Variants in MTHFD2L observed in about 807,000 individuals in gnomAD.
MTHFD2L encodes bifunctional methylenetetrahydrofolate dehydrogenase/cyclohydrolase 2, mitochondrial.
Under a neutral mutation model 34.9 loss-of-function variants are expected in MTHFD2L, and 29 were observed. The ratio of observed to expected loss-of-function variants is 0.83; its 90% CI spans 0.62 to 1.13. The LOEUF (loss-of-function observed/expected upper bound fraction) is 1.13, where lower values mean the gene tolerates loss of function less well. Among genes scored for constraint, MTHFD2L ranks in the 50% most tolerant of loss-of-function variants. The probability of loss-of-function intolerance (pLI) is 0.00; values close to 1 mark genes in which losing one functional copy is unlikely to be tolerated. For synonymous variants in MTHFD2L, 167 were observed against 155.7 expected (o/e 1.07, Z -0.54); for missense variants, 481 against 446.5 (o/e 1.08, Z -0.70).
chr4:74,158,586 C>T (rs1224794190), intron 1 of MTHFD2L, among the ~76,000 whole-genome samples: 1 of 152,158 alleles, frequency 6.6e-6, no homozygotes. Flanking sequence ...TATAAAAACA[C>T]GTGGTCGGCT....
At chr4:74,292,166 T>C (rs1749045495) in intron 7 of MTHFD2L, among the ~76,000 whole-genome samples, 1 of 152,190 alleles carries the variant, frequency 6.6e-6, no homozygotes, top group Non-Finnish European at 1.5e-5. Context: ...CTGCCTCCAT[T>C]GTGGCTTACA....
intron 5 of MTHFD2L, among the ~76,000 whole-genome samples, chr4:74,221,835 ATATT>A (rs1480526350): frequency 1.3e-5 from 2 of 151,658 alleles, no homozygotes; most frequent in East Asian, 3.8e-4. Flanking sequence ...CATTAAAAAA[ATATT>A]TAAGAAGGTT....
intron 6 of MTHFD2L, among the ~76,000 whole-genome samples, chr4:74,258,111 A>C (rs1744252584): frequency 6.6e-6 from 1 of 152,162 alleles, no homozygotes; most frequent in African/African-American, 2.4e-5. Context: ...GGAGAAAAGA[A>C]ATCCTTGTTC....
upstream of MTHFD2L, among the ~76,000 whole-genome samples, chr4:74,118,963 A>C (rs1721702760): frequency 6.6e-6 from 1 of 152,124 alleles, no homozygotes; most frequent in Non-Finnish European, 1.5e-5. Flanking sequence ...GGTGGAGCTG[A>C]GGTGGTGATG....
At chr4:74,158,057 G>A (rs1268644876), upstream of MTHFD2L, 139 of 1,527,506 alleles carry the variant, frequency 9.1e-5, no homozygotes, top group Non-Finnish European at 1.2e-4. Context: ...CAGCCCGGGT[G>A]AGGGCGGAGC....
upstream of MTHFD2L, among the ~76,000 whole-genome samples, chr4:74,120,731 A>G (rs1384903306): frequency 6.6e-6 from 1 of 152,250 alleles, no homozygotes; most frequent in Non-Finnish European, 1.5e-5. Flanking sequence ...AAGGAGATGG[A>G]CACAGAGCAC....
At chr4:74,273,816 C>G (rs1181052358) in intron 6 of MTHFD2L, among the ~76,000 whole-genome samples, 1 of 152,138 alleles carries the variant, frequency 6.6e-6, no homozygotes, top group African/African-American at 2.4e-5. Context: ...CCCCCATGGC[C>G]TGATGGCTGG....
chr4:74,158,079 C>G, upstream of MTHFD2L: 1 of 1,531,440 alleles, frequency 6.5e-7, no homozygotes, highest in Middle Eastern at 1.7e-4. Context: ...AGGCCTCCAG[C>G]CGCGAGGACT....
chr4:74,273,239 T>C (rs1194718886), intron 6 of MTHFD2L, among the ~76,000 whole-genome samples: 1 of 152,146 alleles, frequency 6.6e-6, no homozygotes, highest in Non-Finnish European at 1.5e-5. Flanking sequence ...TTTTTTTCTG[T>C]TCTGACAGGG....
chr4:74,160,355 C>G (rs1010696418), intron 1 of MTHFD2L: 3 of 180,190 alleles, frequency 1.7e-5, no homozygotes, highest in African/African-American at 7.1e-5. Flanking sequence ...GAAAAAGTAT[C>G]TTTGATTATT....
At chr4:74,164,741 G>C (rs548748458) in intron 1 of MTHFD2L, among the ~76,000 whole-genome samples, 17 of 152,330 alleles carry the variant, frequency 1.1e-4, no homozygotes, top group Admixed American at 5.9e-4. Context: ...CCAGAGCTCT[G>C]ATGCTCAGGA....
At chr4:74,300,333 A>G (rs560605818) in intron 7 of MTHFD2L, among the ~76,000 whole-genome samples, 1 of 152,132 alleles carries the variant, frequency 6.6e-6, no homozygotes, top group Non-Finnish European at 1.5e-5. Context: ...CCTCAGATTT[A>G]AAAAATTATT....
At chr4:74,242,178 A>G (rs1445945129) in intron 6 of MTHFD2L, 1 of 129,640 alleles carries the variant, frequency 7.7e-6, no homozygotes, top group Non-Finnish European at 1.6e-5. Flanking sequence ...CAATTTAATT[A>G]AAGCATATAG....
At chr4:74,157,827 G>A (rs952995574), upstream of MTHFD2L, 1 of 559,938 alleles carries the variant, frequency 1.8e-6, no homozygotes, top group South Asian at 1.5e-5. Context: ...CTGTGCCGTC[G>A]CTATGGGAAT....
chr4:74,251,394 C>T (rs1743286497), intron 6 of MTHFD2L, among the ~76,000 whole-genome samples: 1 of 152,196 alleles, frequency 6.6e-6, no homozygotes, highest in Admixed American at 6.5e-5. Flanking sequence ...TGTTTTCTAT[C>T]ATTTGGTGGT....
rs112380653 is a variant in MTHFD2L, at chr4:74,225,521, A to G, written c.805+127A>G. ...TGTATGACTAACTTCTGTTGATTGG[A>G]TTCTGTCTCTTGGCAATCATTATAT... On this transcript the variant is annotated intron_variant, in intron 6 of 7. Coordinates refer to ENST00000325278, the MANE Select transcript of MTHFD2L (RefSeq NM_001144978.3). 8.3e-4 allele frequency: 581 copies of G among 695,924 alleles called. 5 individuals carry two copies. The African/African-American group carries it at 8.7e-3, about 10-fold the overall frequency. The allele number at this position is 695,924 out of a possible 1,614,324, so 43.1% of individuals were successfully genotyped here.
intron 7 of MTHFD2L, among the ~76,000 whole-genome samples, chr4:74,286,922 A>T (rs1017211926): frequency 6.6e-6 from 1 of 152,190 alleles, no homozygotes; most frequent in African/African-American, 2.4e-5. Context: ...TGAAAGAGAC[A>T]GGAAAGAGAA....
intron 6 of MTHFD2L, among the ~76,000 whole-genome samples, chr4:74,259,666 TATAAG>T (rs1245502555): frequency 6.6e-6 from 1 of 152,164 alleles, no homozygotes; most frequent in Admixed American, 6.5e-5. Context: ...ACAATTTTGA[TATAAG>T]ATAATTTGGA....
At chr4:74,171,466 T>TA (rs1311166439) in intron 1 of MTHFD2L, among the ~76,000 whole-genome samples, 2 of 152,142 alleles carry the variant, frequency 1.3e-5, no homozygotes, top group African/African-American at 2.4e-5. Context: ...AACATACACT[T>TA]ACGATGTGAC....
Sources: gnomAD v4.1 joint callset for allele counts (sites outside exome capture counted in the v4.1 genomes callset) on GRCh38, gnomAD v4.1.1 for gene constraint, MANE v1.5 for transcripts, NCBI Gene and HGNC (gene_info 2026-07-23, HGNC 2026-07-21) for gene names.